Variants in TANGO6 observed in about 807,000 individuals in gnomAD.
The protein encoded by TANGO6 is transport and golgi organization 6 homolog.
TANGO6 carries 90 observed loss-of-function variants against 114.2 expected under a neutral mutation model. The ratio of observed to expected loss-of-function variants is 0.79; its 90% confidence interval spans 0.66 to 0.94. The LOEUF (loss-of-function observed/expected upper bound fraction) is 0.94. TANGO6 is among the 40% of genes least tolerant of loss of function. TANGO6 has a pLI of 0.00. For synonymous variants in TANGO6, 477 were observed against 509.8 expected, an observed-to-expected ratio of 0.94 and a Z score of 0.87; for missense variants, 1,274 against 1,315.3, an observed-to-expected ratio of 0.97 and a Z score of 0.49.
chr16:68,866,540 G>A (rs1368003137), intron 3 of TANGO6, among the ~76,000 whole-genome samples: 1 of 151,078 alleles, frequency 6.6e-6, no homozygotes, highest in East Asian at 1.9e-4. Flanking sequence ...GGAGAATGGC[G>A]TGAACCCGGG....
chr16:69,056,797 G>A (rs1473779379), intron 17 of TANGO6, among the ~76,000 whole-genome samples: 3 of 151,916 alleles, frequency 2.0e-5, no homozygotes, highest in South Asian at 4.1e-4. Context: ...ACCAGTTACA[G>A]TAACCCCGAG....
chr16:68,924,558 T>G (rs981964815), intron 12 of TANGO6, among the ~76,000 whole-genome samples: 1 of 149,326 alleles, frequency 6.7e-6, no homozygotes, highest in South Asian at 2.1e-4. Context: ...GAGGCTGAGG[T>G]GGGAAGATCA....
chr16:68,950,548 G>A (rs750102101), intron 14 of TANGO6, among the ~76,000 whole-genome samples: 21 of 151,540 alleles, frequency 1.4e-4, no homozygotes, highest in Non-Finnish European at 2.6e-4. Context: ...CTGGGCGACA[G>A]AGCGAGACTC....
At chr16:68,923,144 G>A (rs1331096429) in intron 12 of TANGO6, among the ~76,000 whole-genome samples, 3 of 149,942 alleles carry the variant, frequency 2.0e-5, no homozygotes, top group South Asian at 2.1e-4. Flanking sequence ...TTGTAGTAGA[G>A]ATGGGGTTTC....
At chr16:68,876,162 T>A (rs2152167985) in intron 5 of TANGO6, among the ~76,000 whole-genome samples, 1 of 148,442 alleles carries the variant, frequency 6.7e-6, no homozygotes, top group African/African-American at 2.6e-5. Context: ...CAATTAATGC[T>A]AATTTTTTTT....
chr16:68,872,230 AAAG>A (rs1338293563), intron 4 of TANGO6, among the ~76,000 whole-genome samples: 3 of 151,992 alleles, frequency 2.0e-5, no homozygotes, highest in South Asian at 2.1e-4. Flanking sequence ...TCAAAAAAAA[AAAG>A]AAGTTGTCTT....
intron 16 of TANGO6, among the ~76,000 whole-genome samples, chr16:69,024,353 G>A (rs1405052043): frequency 4.0e-5 from 6 of 150,134 alleles, no homozygotes; most frequent in Admixed American, 2.7e-4. Flanking sequence ...TGCAACCTCC[G>A]CCTCCCGGGT....
chr16:68,865,939 C>T (rs755494752), intron 3 of TANGO6, among the ~76,000 whole-genome samples: 81 of 152,018 alleles, frequency 5.3e-4, no homozygotes, highest in Non-Finnish European at 9.4e-4. Flanking sequence ...AGAAATCCAA[C>T]TCTTTCTTTG....
Position 68,927,810 on chromosome 16 carries a change from A to G in TANGO6, c.2370A>G (p.Val790=), listed in dbSNP as rs1409653245. 3 of 1,613,928 alleles carry G rather than the reference A, an allele frequency of 1.9e-6. No homozygotes were observed. In the African/African-American group the frequency reaches 4.0e-5, roughly 22 times the overall value. ...CCAGTCATGAAAGACCCACTGATGT[A>G]GCTCATAGCCACCTTGAACAACAGC... is the stretch of plus-strand genomic sequence containing the variant. ...QQTSHERPTD[V]AHSHLEQQQS... The change falls in exon 13 of 18, where the codon GTA becomes GTG. Residue 790 remains valine, a synonymous_variant. Transcript: ENST00000261778.
chr16:68,902,547 C>A (rs765838193), intron 9 of TANGO6, 43 bp downstream of exon 9: 2 of 1,504,716 alleles, frequency 1.3e-6, no homozygotes, highest in African/African-American at 1.4e-5. Flanking sequence ...GATTTAGTTC[C>A]GCCCAAAAGG....
At chr16:68,875,455 T>C (rs1962339250) in intron 5 of TANGO6, among the ~76,000 whole-genome samples, 165 bp downstream of exon 5, 1 of 152,160 alleles carries the variant, frequency 6.6e-6, no homozygotes, top group Admixed American at 6.6e-5. Context: ...TGGAAGAGAC[T>C]GACCTAATTG....
chr16:69,080,150 C>T (rs1325976915), intron 17 of TANGO6, among the ~76,000 whole-genome samples: 2 of 152,244 alleles, frequency 1.3e-5, no homozygotes, highest in East Asian at 1.9e-4. Flanking sequence ...AATTGCATTA[C>T]ATTCATCCTC....
At chr16:69,027,712 AC>A (rs1959526431) in intron 16 of TANGO6, among the ~76,000 whole-genome samples, 1 of 151,868 alleles carries the variant, frequency 6.6e-6, no homozygotes, top group South Asian at 2.1e-4. Flanking sequence ...TCTTCACATA[AC>A]CCAAACCAAA....
chr16:68,863,419 A>C (rs969755996), intron 3 of TANGO6, among the ~76,000 whole-genome samples: 3 of 151,952 alleles, frequency 2.0e-5, no homozygotes, highest in African/African-American at 7.3e-5. Flanking sequence ...ACCAGCCTCA[A>C]CATGGAGAAA....
chr16:68,918,165 C>T (rs973274184), intron 11 of TANGO6, among the ~76,000 whole-genome samples: 1 of 152,122 alleles, frequency 6.6e-6, no homozygotes, highest in African/African-American at 2.4e-5. Flanking sequence ...ACCTCAGCCT[C>T]CCAAAGTGCT....
chr16:69,016,422 G>T (rs1959299165), intron 15 of TANGO6, among the ~76,000 whole-genome samples: 1 of 151,974 alleles, frequency 6.6e-6, no homozygotes, highest in Non-Finnish European at 1.5e-5. Context: ...AGATTTGCCG[G>T]ATGAATGAAT....
intron 15 of TANGO6, among the ~76,000 whole-genome samples, chr16:69,018,139 C>CA: frequency 1.3e-5 from 1 of 77,084 alleles, no homozygotes; most frequent in South Asian, 5.8e-4. Context: ...TTGGAAATCT[C>CA]TTTTTTTTTT....
At chr16:69,045,514 C>T (rs1431948615) in intron 17 of TANGO6, among the ~76,000 whole-genome samples, 8 of 149,966 alleles carry the variant, frequency 5.3e-5, no homozygotes, top group East Asian at 3.9e-4. Context: ...AAGGCCAAGG[C>T]GGGCGGATCA....
intron 14 of TANGO6, among the ~76,000 whole-genome samples, chr16:68,949,900 C>A (rs532195829): frequency 6.6e-6 from 1 of 152,070 alleles, no homozygotes; most frequent in East Asian, 1.9e-4. Flanking sequence ...TTAATATCTA[C>A]CGCCTGATGA....
Sources: gnomAD v4.1 joint callset for allele counts (sites outside exome capture counted in the v4.1 genomes callset) on GRCh38, gnomAD v4.1.1 for gene constraint, MANE v1.5 for transcripts, NCBI Gene and HGNC (gene_info 2026-07-23, HGNC 2026-07-21) for gene names.